The following UNC13C variants were observed in gnomAD, a reference collection of about 807,000 sequenced individuals.
UNC13C encodes protein unc-13 homolog C.
Under a neutral mutation model 245.4 loss-of-function variants are expected in UNC13C, and 174 were observed. That is an observed-to-expected ratio of 0.71 (90% CI 0.63 to 0.80). The LOEUF is 0.80. Among genes scored for constraint, UNC13C ranks in the 30% least tolerant of loss-of-function variants. The pLI is 0.00. For missense variants in UNC13C, 2,829 were observed against 2,602.9 expected (o/e 1.09, Z -1.89); for synonymous variants, 992 against 895.1 (o/e 1.11, Z -1.93).
chr15:53,935,928 G>A, the UNC13C span, among the ~76,000 whole-genome samples: 1 of 152,148 alleles, frequency 6.6e-6, no homozygotes, highest in East Asian at 1.9e-4. Context: ...AGAAACCTAG[G>A]AGTTGTTACG....
In UNC13C at chr15:54,403,068, T is replaced by C. The variant is rs544769248; in HGVS notation, c.4847+9887T>C. Among the ~76,000 whole-genome samples, 14 of 152,322 alleles carry C rather than the reference T, an allele frequency of 9.2e-5. No individual in the cohort carries two copies. The South Asian group carries it at 2.9e-3, about 32-fold the overall frequency. ...GCCTTAAGCTCCCTGCCCTGCAATA[T>C]GAACATGAGGACTTGCTTGTACCAG... is the stretch of plus-strand genomic sequence containing the variant. On this transcript the variant is annotated intron_variant, in intron 18 of 32. Coordinates refer to ENST00000260323, the MANE Select transcript of UNC13C (RefSeq NM_001080534.3).
At chr15:53,974,749 T>C (rs944113629), upstream of UNC13C, 1 of 152,166 alleles carries the variant, frequency 6.6e-6, no homozygotes, top group African/African-American at 2.4e-5. Context: ...TTTTTTTTTT[T>C]TTTCATTTAA....
At chr15:54,267,541 TA>T (rs2036577834) in intron 10 of UNC13C, among the ~76,000 whole-genome samples, 2 of 152,136 alleles carry the variant, frequency 1.3e-5, no homozygotes, top group African/African-American at 4.8e-5. Flanking sequence ...TGCATTTTGT[TA>T]CATTCTATTT....
At chr15:54,374,371 G>A (rs937269274) in intron 17 of UNC13C, among the ~76,000 whole-genome samples, 9 of 152,082 alleles carry the variant, frequency 5.9e-5, no homozygotes, top group Non-Finnish European at 8.8e-5. Flanking sequence ...CTACACCAAG[G>A]CAGCCTCAGT....
intron 25 of UNC13C, among the ~76,000 whole-genome samples, chr15:54,530,266 A>C (rs569668049): frequency 6.6e-6 from 1 of 152,194 alleles, no homozygotes; most frequent in Non-Finnish European, 1.5e-5. Flanking sequence ...TGACGTATCT[A>C]TCACCTTCAT....
intron 19 of UNC13C, among the ~76,000 whole-genome samples, chr15:54,465,808 A>G (rs1393345047): frequency 6.6e-6 from 1 of 152,034 alleles, no homozygotes; most frequent in South Asian, 2.1e-4. Flanking sequence ...TCAGGTTAAG[A>G]CTACATAAGA....
rs117641786 is a variant in UNC13C at position 54,112,571 on chromosome 15, T to C, written c.2984-30447T>C. 2.7e-3 allele frequency among the ~76,000 whole-genome samples: 404 copies of C among 152,326 alleles called. 17 individuals are homozygous for C. The East Asian group carries it at 0.045, about 17-fold the overall frequency. On this transcript the variant is annotated intron_variant, in intron 2 of 32. Transcript: ENST00000260323. ...AGATGGAACTGTCATGTTGAATATG[T>C]CTAGCCCCCAGGTAGTCTTTTACTA...
chr15:54,118,500 T>G (rs939264174), intron 2 of UNC13C, among the ~76,000 whole-genome samples: 2 of 152,216 alleles, frequency 1.3e-5, no homozygotes, highest in Non-Finnish European at 2.9e-5. Context: ...GTTGATTTTC[T>G]AACCTGCAAC....
chr15:54,321,211 G>A, intron 13 of UNC13C: 1 of 495,198 alleles, frequency 2.0e-6, no homozygotes, highest in Non-Finnish European at 4.0e-6. Context: ...CTTATTTATG[G>A]AGCCATGGTC....
intron 17 of UNC13C, among the ~76,000 whole-genome samples, chr15:54,386,856 C>G (rs1247007746): frequency 6.6e-6 from 1 of 152,120 alleles, no homozygotes; most frequent in African/African-American, 2.4e-5. Context: ...AGAAGAGGGG[C>G]ATGTGGCTCC....
At chr15:54,591,747 T>C (rs1034361552) in intron 30 of UNC13C, among the ~76,000 whole-genome samples, 2 of 152,280 alleles carry the variant, frequency 1.3e-5, no homozygotes, top group South Asian at 4.1e-4. Context: ...GCTTTTTTTT[T>C]CATTTATCTT....
At chr15:54,247,926 A>G (rs2414285) in intron 7 of UNC13C, among the ~76,000 whole-genome samples, 88,741 of 151,946 alleles carry the variant, frequency 0.58, 27,859 homozygotes, top group African/African-American at 0.82. Context: ...TTTTTAGCAG[A>G]GTTACTTATT....
intron 8 of UNC13C, 134 bp from the exon 9 acceptor site, chr15:54,264,034 T>C (rs2036491598): frequency 2.5e-6 from 2 of 803,046 alleles, no homozygotes; most frequent in African/African-American, 3.5e-5. Flanking sequence ...TATGATATTT[T>C]TCTAAAAAGC....
the UNC13C span, among the ~76,000 whole-genome samples, chr15:53,874,473 C>G: frequency 6.6e-6 from 1 of 152,290 alleles, no homozygotes; most frequent in South Asian, 2.1e-4. Flanking sequence ...TCTCCAAAGA[C>G]ACCATGGACT....
intron 4 of UNC13C, among the ~76,000 whole-genome samples, chr15:54,228,618 C>T (rs1212114569): frequency 6.6e-6 from 1 of 152,146 alleles, no homozygotes. Flanking sequence ...AGCAGGTTCC[C>T]TTCTGGCCTA....
intron 13 of UNC13C, among the ~76,000 whole-genome samples, chr15:54,318,564 A>C (rs1462405918): frequency 3.3e-5 from 5 of 151,418 alleles, no homozygotes; most frequent in Non-Finnish European, 1.5e-5. Context: ...GCCCATTTTT[A>C]CTCGGATTAT....
At chr15:53,949,452 G>A in the UNC13C span, among the ~76,000 whole-genome samples, 1 of 152,162 alleles carries the variant, frequency 6.6e-6, no homozygotes, top group Admixed American at 6.5e-5. Context: ...AAAACTACAA[G>A]TTATCTAAAA....
In UNC13C at chr15:54,350,398, G is replaced by A. The variant is rs546880732; in HGVS notation, c.4713+11909G>A. On this transcript the variant is annotated intron_variant, in intron 17 of 32. Transcript: ENST00000260323. ...GTATGTGGTCTTATGTAAGTCAAAAGGACATGAAATTGTAGAATGGTAATT... is the reference window on the plus strand; with the variant it reads ...GTATGTGGTCTTATGTAAGTCAAAAAGACATGAAATTGTAGAATGGTAATT... Among the ~76,000 whole-genome samples, 119 of 152,206 alleles carry A rather than the reference G, an allele frequency of 7.8e-4. 2 individuals carry two copies. In the South Asian group the frequency reaches 0.025, roughly 32 times the overall value.
intron 4 of UNC13C, among the ~76,000 whole-genome samples, chr15:54,225,884 C>T (rs1381224907): frequency 6.6e-6 from 1 of 152,228 alleles, no homozygotes; most frequent in African/African-American, 2.4e-5. Flanking sequence ...TGTCTTGTGC[C>T]AGTTTTCAAA....
Sources: allele counts gnomAD v4.1 joint callset (sites outside exome capture counted in the v4.1 genomes callset), GRCh38; gene constraint gnomAD v4.1.1; transcripts MANE v1.5; gene names NCBI Gene and HGNC (gene_info 2026-07-23, HGNC 2026-07-21).